Variants in TWSG1 observed in about 807,000 individuals in gnomAD.
TWSG1 encodes twisted gastrulation protein homolog 1.
A neutral mutation model predicts 23.0 loss-of-function variants in TWSG1; 15 were observed. The ratio of observed to expected loss-of-function variants is 0.65; its 90% CI spans 0.44 to 1.00. The LOEUF (loss-of-function observed/expected upper bound fraction) is 1.00, where lower values mean the gene tolerates loss of function less well. Among genes scored for constraint, TWSG1 ranks in the 50% least tolerant of loss-of-function variants. The probability of loss-of-function intolerance (pLI) is 0.00; values close to 1 mark genes in which losing one functional copy is unlikely to be tolerated. For synonymous variants in TWSG1, 86 were observed against 92.8 expected, an observed-to-expected ratio of 0.93 and a Z score of 0.42; for missense variants, 242 against 278.7, an observed-to-expected ratio of 0.87 and a Z score of 0.94.
chr18:9,370,696 A>C (rs1323520476), intron 3 of TWSG1, among the ~76,000 whole-genome samples: 1 of 152,204 alleles, frequency 6.6e-6, no homozygotes, highest in East Asian at 1.9e-4. Context: ...GTCAAATAGC[A>C]CAGGACCTAA....
At chr18:9,347,945 G>A (rs1025953872) in intron 2 of TWSG1, among the ~76,000 whole-genome samples, 5 of 151,928 alleles carry the variant, frequency 3.3e-5, no homozygotes, top group East Asian at 1.9e-4. Flanking sequence ...TATCTCTTTC[G>A]AGATCTTTTT....
intron 3 of TWSG1, among the ~76,000 whole-genome samples, chr18:9,392,616 A>C (rs567952335): frequency 6.6e-6 from 1 of 152,312 alleles, no homozygotes; most frequent in African/African-American, 2.4e-5. Flanking sequence ...TTTCCCTTGC[A>C]TTCCCAACTA....
chr18:9,349,066 T>G (rs576100865), intron 2 of TWSG1, among the ~76,000 whole-genome samples: 9 of 152,296 alleles, frequency 5.9e-5, no homozygotes, highest in African/African-American at 1.9e-4. Context: ...AATCTAACTT[T>G]AAACATCAAG....
At chr18:9,339,228 A>G (rs1447198670) in intron 2 of TWSG1, among the ~76,000 whole-genome samples, 2 of 151,910 alleles carry the variant, frequency 1.3e-5, no homozygotes, top group East Asian at 3.9e-4. Flanking sequence ...ATTGTACTTT[A>G]TTTAAAATAC....
intron 4 of TWSG1, among the ~76,000 whole-genome samples, chr18:9,397,864 C>T (rs537974885): frequency 3.3e-5 from 5 of 151,876 alleles, no homozygotes; most frequent in Non-Finnish European, 7.4e-5. Flanking sequence ...ATTAGCTGGG[C>T]GTGGTAGCAC....
At chr18:9,396,821 GA>G (rs1488325505) in intron 4 of TWSG1, 11 of 506,260 alleles carry the variant, frequency 2.2e-5, no homozygotes, top group Admixed American at 3.8e-5. Context: ...AGCACTTTGG[GA>G]GGCCGAGGCA....
intron 3 of TWSG1, among the ~76,000 whole-genome samples, chr18:9,362,965 A>G (rs956649955): frequency 2.0e-5 from 3 of 152,160 alleles, no homozygotes; most frequent in South Asian, 2.1e-4. Context: ...TTATACAGCA[A>G]TCCTCCTCCT....
At chr18:9,354,991 T>C (rs1033507801) in intron 2 of TWSG1, among the ~76,000 whole-genome samples, 3 of 152,108 alleles carry the variant, frequency 2.0e-5, no homozygotes, top group African/African-American at 7.2e-5. Context: ...AGTCTCGCTC[T>C]GTTGTCCAGG....
chr18:9,355,344 T>A (rs2040521359), intron 2 of TWSG1, among the ~76,000 whole-genome samples: 1 of 152,220 alleles, frequency 6.6e-6, no homozygotes, highest in South Asian at 2.1e-4. Flanking sequence ...CCTTGTTTCA[T>A]CACAGAGAGT....
chr18:9,340,367 C>CAAA lies in TWSG1; in HGVS notation c.123+3036_123+3038dup, dbSNP rs775837207. Among the ~76,000 whole-genome samples, 7 of 67,096 alleles carry CAAA rather than the reference C, an allele frequency of 1.0e-4. 1 individual carries two copies. The highest frequency in any genetic ancestry group is 4.9e-4 in the East Asian group (1 of 2,042). 44.0% of individuals were successfully genotyped at this position (67,096 alleles called of 152,430 possible). ...TGGGCGACAGAGCAAGACTCCATTT[C>CAAA]AAAAAAAAAAAAAAAAAAAAAAAGA... On this transcript the variant is annotated intron_variant, in intron 2 of 4. Coordinates refer to ENST00000262120, the MANE Select transcript of TWSG1 (RefSeq NM_020648.6).
Position 9,351,731 on chromosome 18 carries a change from G to A in TWSG1, c.124-8241G>A, listed in dbSNP as rs187706886. ...TCCATCTCAGCTCACTGCAACCTCT[G>A]CTTCCTGGGTTCAAGTGATTCTCCT... On this transcript the variant is annotated intron_variant, in intron 2 of 4. Coordinates refer to ENST00000262120, the MANE Select transcript of TWSG1 (RefSeq NM_020648.6). Among the ~76,000 whole-genome samples the A allele has an allele frequency of 2.6e-3, 397 of 150,348 alleles. 2 individuals are homozygous for A. The highest frequency in any genetic ancestry group is 9.3e-3 in the African/African-American group (381 of 40,816).
rs562522339 is a variant in TWSG1, at chr18:9,379,418, A to T, written c.224-16862A>T. On this transcript the variant is annotated intron_variant, in intron 3 of 4. Coordinates refer to ENST00000262120, the MANE Select transcript of TWSG1 (RefSeq NM_020648.6). ...CATTACCCTTAGCAAACTATCGCAG[A>T]AACAGAAAACCAAAGACCGTTATGT... Among the ~76,000 whole-genome samples the T allele has an allele frequency of 2.4e-4, 36 of 152,262 alleles. 1 individual carries two copies. Among genetic ancestry groups the T allele is most frequent in the Admixed American group, 2.0e-3 (31 of 15,298 alleles).
intron 3 of TWSG1, 75 bp downstream of exon 3, chr18:9,360,146 A>G: frequency 8.3e-7 from 1 of 1,206,922 alleles, no homozygotes; most frequent in South Asian, 1.3e-5. Context: ...TTTAAGGAAT[A>G]TAAATGTAGT....
At chr18:9,372,060 T>C (rs1047900844) in intron 3 of TWSG1, among the ~76,000 whole-genome samples, 11 of 152,080 alleles carry the variant, frequency 7.2e-5, no homozygotes, top group Admixed American at 3.9e-4. Flanking sequence ...CCATCGCGCC[T>C]GGCCAACGTT....
At chr18:9,359,835 TTAA>T (rs1344075091) in intron 2 of TWSG1, 134 bp from the exon 3 acceptor site, 1 of 578,520 alleles carries the variant, frequency 1.7e-6, no homozygotes, top group African/African-American at 1.9e-5. Context: ...TGATGAATAG[TTAA>T]TAATGTTGAA....
At chr18:9,379,041 T>C (rs6506658) in intron 3 of TWSG1, among the ~76,000 whole-genome samples, 150,432 of 152,278 alleles carry the variant, frequency 0.99, 74,347 homozygotes, top group Middle Eastern at 1. Flanking sequence ...GGCGAAGTTG[T>C]GGAGAAAAGG....
chr18:9,347,498 A>T, intron 2 of TWSG1, among the ~76,000 whole-genome samples: 1 of 151,156 alleles, frequency 6.6e-6, no homozygotes, highest in African/African-American at 2.4e-5. Flanking sequence ...TTTTATTTGG[A>T]TTTTCTTTCA....
At chr18:9,355,571 C>T (rs1488668045) in intron 2 of TWSG1, among the ~76,000 whole-genome samples, 3 of 152,160 alleles carry the variant, frequency 2.0e-5, no homozygotes, top group Admixed American at 2.0e-4. Flanking sequence ...TGATGAGCTT[C>T]ATAAAACTGC....
intron 3 of TWSG1, among the ~76,000 whole-genome samples, chr18:9,395,773 C>A (rs1362234583): frequency 1.3e-5 from 2 of 152,140 alleles, no homozygotes; most frequent in Non-Finnish European, 2.9e-5. Context: ...TGCTATGTTG[C>A]CTAAGCTGGT....
Sources: allele counts gnomAD v4.1 joint callset (sites outside exome capture counted in the v4.1 genomes callset), GRCh38; gene constraint gnomAD v4.1.1; transcripts MANE v1.5; gene names NCBI Gene and HGNC (gene_info 2026-07-23, HGNC 2026-07-21).